Variants in TRPM3 observed in about 807,000 individuals in gnomAD.
TRPM3 encodes the protein transient receptor potential cation channel subfamily M member 3.
A neutral mutation model predicts 181.2 loss-of-function variants in TRPM3; 77 were observed. The ratio of observed to expected loss-of-function variants is 0.42; its 90% CI spans 0.35 to 0.51. The LOEUF (loss-of-function observed/expected upper bound fraction) is 0.51. Among genes scored for constraint, TRPM3 ranks in the 20% least tolerant of loss-of-function variants. The pLI, the probability that TRPM3 is intolerant of heterozygous loss-of-function variation, is 0.01. For missense variants in TRPM3, 1,759 were observed against 2,196.7 expected (o/e 0.80, Z 3.98); for synonymous variants, 745 against 796.4 (o/e 0.94, Z 1.09).
intron 1 of TRPM3, among the ~76,000 whole-genome samples, chr9:71,369,973 T>C (rs931682769): frequency 6.6e-6 from 1 of 152,132 alleles, no homozygotes; most frequent in Non-Finnish European, 1.5e-5. Flanking sequence ...ATTAATATTA[T>C]CATATCTGTT....
chr9:71,198,224 G>T (rs2078525004), intron 1 of TRPM3, among the ~76,000 whole-genome samples: 1 of 152,078 alleles, frequency 6.6e-6, no homozygotes, highest in African/African-American at 2.4e-5. Context: ...CTGTTCCATT[G>T]ATCAATATAT....
chr9:71,019,641 A>G (rs1056937344), intron 1 of TRPM3, among the ~76,000 whole-genome samples: 23 of 152,160 alleles, frequency 1.5e-4, no homozygotes, highest in Non-Finnish European at 3.1e-4. Flanking sequence ...TATTGTAATG[A>G]TGCCAAATCT....
intron 22 of TRPM3, among the ~76,000 whole-genome samples, chr9:70,564,711 G>A (rs1277084057): frequency 6.6e-6 from 1 of 152,112 alleles, no homozygotes; most frequent in Non-Finnish European, 1.5e-5. Context: ...CACATCAGGG[G>A]ACATGAGGCT....
intron 1 of TRPM3, among the ~76,000 whole-genome samples, chr9:71,011,441 AT>A (rs571095129): frequency 6.6e-6 from 1 of 152,140 alleles, no homozygotes; most frequent in Non-Finnish European, 1.5e-5. Context: ...ACAAAAAATC[AT>A]TTTTTAAATT....
At chr9:71,329,800 A>T (rs2089982310) in intron 1 of TRPM3, among the ~76,000 whole-genome samples, 2 of 152,122 alleles carry the variant, frequency 1.3e-5, no homozygotes, top group African/African-American at 4.8e-5. Context: ...CAATGTAAAA[A>T]CATGTTTTTA....
chr9:70,809,350 CA>C (rs2091403715), intron 6 of TRPM3, among the ~76,000 whole-genome samples: 1 of 152,120 alleles, frequency 6.6e-6, no homozygotes, highest in African/African-American at 2.4e-5. Context: ...CAGTAGTATA[CA>C]AAAATATTCT....
chr9:70,607,420 T>C (rs2061353959), intron 19 of TRPM3, among the ~76,000 whole-genome samples: 1 of 152,068 alleles, frequency 6.6e-6, no homozygotes, highest in African/African-American at 2.4e-5. Flanking sequence ...TATGTGAAGA[T>C]GAATTTTGGA....
At chr9:70,978,949 G>A (rs2097334975) in intron 1 of TRPM3, among the ~76,000 whole-genome samples, 1 of 152,158 alleles carries the variant, frequency 6.6e-6, no homozygotes, top group Non-Finnish European at 1.5e-5. Context: ...GATTTTATTT[G>A]TTTCCCAGGG....
At chr9:70,935,485 G>C (rs954103723) in intron 1 of TRPM3, among the ~76,000 whole-genome samples, 1 of 152,318 alleles carries the variant, frequency 6.6e-6, no homozygotes, top group African/African-American at 2.4e-5. Context: ...TCACAGAATA[G>C]TACCATCTAA....
At chr9:70,700,756 C>A (rs974253306) in intron 8 of TRPM3, among the ~76,000 whole-genome samples, 1 of 152,218 alleles carries the variant, frequency 6.6e-6, no homozygotes, top group Non-Finnish European at 1.5e-5. Flanking sequence ...GTTTTATCCA[C>A]ATCCACTTGC....
chr9:71,283,644 A>G (rs2085039766), intron 1 of TRPM3, among the ~76,000 whole-genome samples: 1 of 152,160 alleles, frequency 6.6e-6, no homozygotes, highest in Admixed American at 6.5e-5. Context: ...TTGTATTTAT[A>G]TACCACGTTT....
intron 9 of TRPM3, among the ~76,000 whole-genome samples, chr9:70,673,239 C>A (rs992513631): frequency 1.3e-5 from 2 of 151,790 alleles, no homozygotes; most frequent in Non-Finnish European, 2.9e-5. Flanking sequence ...ATGGAAGACA[C>A]TGGCTTTGGG....
At chr9:71,309,939 A>T (rs551510219) in intron 1 of TRPM3, among the ~76,000 whole-genome samples, 1 of 152,268 alleles carries the variant, frequency 6.6e-6, no homozygotes, top group East Asian at 1.9e-4. Context: ...CTGATGTATG[A>T]AAGAATTTTA....
chr9:70,914,967 C>T (rs1473993184), intron 1 of TRPM3, among the ~76,000 whole-genome samples: 2 of 152,108 alleles, frequency 1.3e-5, no homozygotes, highest in Admixed American at 1.3e-4. Flanking sequence ...ACCTGGAAAG[C>T]CTTCCCAAAA....
At chr9:71,394,814 G>A (rs10115924) in intron 1 of TRPM3, among the ~76,000 whole-genome samples, 3,854 of 152,180 alleles carry the variant, frequency 0.025, 99 homozygotes, top group African/African-American at 0.065. Flanking sequence ...CCTAAAATAC[G>A]TTACAGTGTC....
intron 9 of TRPM3, among the ~76,000 whole-genome samples, chr9:70,663,454 T>A (rs2061399086): frequency 6.6e-6 from 1 of 152,204 alleles, no homozygotes; most frequent in Non-Finnish European, 1.5e-5. Context: ...TGAATGAATG[T>A]CTCACCATAC....
chr9:70,549,362 T>TA (rs1236736805), intron 25 of TRPM3, among the ~76,000 whole-genome samples, 180 bp downstream of exon 25: 4 of 152,334 alleles, frequency 2.6e-5, no homozygotes, highest in South Asian at 4.1e-4. Flanking sequence ...TCTGTAAGTC[T>TA]GGGATTTTGA....
intron 1 of TRPM3, among the ~76,000 whole-genome samples, chr9:71,056,174 G>A (rs2060632049): frequency 6.6e-6 from 1 of 151,992 alleles, no homozygotes; most frequent in Admixed American, 6.6e-5. Flanking sequence ...GGGCATAATT[G>A]GGACTAGAAA....
At chr9:70,982,362 G>A (rs796209383) in intron 1 of TRPM3, among the ~76,000 whole-genome samples, 84 of 152,216 alleles carry the variant, frequency 5.5e-4, no homozygotes, top group African/African-American at 1.9e-3. Context: ...GAAAACCAAA[G>A]CTTTTTAAAG....
Sources: allele counts gnomAD v4.1 joint callset (sites outside exome capture counted in the v4.1 genomes callset), GRCh38; gene constraint gnomAD v4.1.1; transcripts MANE v1.5; gene names NCBI Gene and HGNC (gene_info 2026-07-23, HGNC 2026-07-21).